ANXA6: variants seen among roughly 807,000 people sequenced by gnomAD.
ANXA6 encodes annexin A6, also known as 67 kDa calelectrin.
Under a neutral mutation model 95.4 loss-of-function variants are expected in ANXA6, and 71 were observed. The ratio of observed to expected loss-of-function variants is 0.74; its 90% CI spans 0.61 to 0.91. The LOEUF is 0.91. Among genes scored for constraint, ANXA6 ranks in the 40% least tolerant of loss-of-function variants. The probability of loss-of-function intolerance (pLI) is 0.00; values close to 1 mark genes in which losing one functional copy is unlikely to be tolerated. For missense variants in ANXA6, 830 were observed against 876.4 expected (o/e 0.95, Z 0.67); for synonymous variants, 289 against 315.9 (o/e 0.91, Z 0.90).
chr5:151,103,550 C>G lies in ANXA6; in HGVS notation c.1962+20G>C. 4 of 1,609,184 alleles carry G rather than the reference C, an allele frequency of 2.5e-6. No individual in the cohort carries two copies. Among genetic ancestry groups the G allele is most frequent in the Non-Finnish European group, 3.4e-6 (4 of 1,177,554 alleles). On this transcript the variant is annotated intron_variant, in intron 25 of 25. Coordinates refer to ENST00000354546, the MANE Select transcript of ANXA6 (RefSeq NM_001155.5). ...CTGACACTCACCCGCTTCCTGCTAA[C>G]CTCTAGCCCCTCCCCTTACCTCAAT... is the stretch of plus-strand genomic sequence containing the variant.
At chr5:151,101,617 C>T in intron 25 of ANXA6, 110 bp from the exon 26 acceptor site, 1 of 924,764 alleles carries the variant, frequency 1.1e-6, no homozygotes, top group Non-Finnish European at 1.7e-6. Flanking sequence ...TCTCCATGAC[C>T]AACATAGGAT....
chr5:151,115,707 G>A (rs1764979280), intron 20 of ANXA6, among the ~76,000 whole-genome samples: 1 of 152,238 alleles, frequency 6.6e-6, no homozygotes, highest in African/African-American at 2.4e-5. Flanking sequence ...CCACCCTAGT[G>A]TCTGGCTGGG....
intron 2 of ANXA6, among the ~76,000 whole-genome samples, chr5:151,147,071 C>A (rs1765993243): frequency 6.6e-6 from 1 of 152,210 alleles, no homozygotes; most frequent in Admixed American, 6.5e-5. Flanking sequence ...CCGTGCCCAG[C>A]CTCAACAGAG....
rs139583099 is a variant in ANXA6 at position 151,117,608 on chromosome 5, C to T, written c.1518+150G>A. On this transcript the variant is annotated intron_variant, in intron 19 of 25. Transcript: ENST00000354546. Reference sequence around the variant, plus strand: ...TTGACAAGGGAACAACAGGGGTAGGCGGTGGAACTCTAAGGAGGCAAGTGG... The same window carrying T: ...TTGACAAGGGAACAACAGGGGTAGGTGGTGGAACTCTAAGGAGGCAAGTGG... 1.6e-3 allele frequency: 1,108 copies of T among 680,378 alleles called. 4 individuals are homozygous for T. Among genetic ancestry groups the T allele is most frequent in the Middle Eastern group, 9.1e-3 (23 of 2,536 alleles). 42.1% of individuals were successfully genotyped at this position (680,378 alleles called of 1,614,324 possible). A position where few individuals can be genotyped will look rare whatever the true frequency, so the allele number is the denominator to read the frequency against.
chr5:151,147,059 C>A (rs1349534463), intron 2 of ANXA6, among the ~76,000 whole-genome samples: 2 of 152,200 alleles, frequency 1.3e-5, no homozygotes, highest in Middle Eastern at 6.3e-3. Context: ...AGGTGAGAGT[C>A]ACCGTGCCCA....
Position 151,136,328 on chromosome 5 carries a change from C to T in ANXA6, c.417G>A (p.Glu139=), listed in dbSNP as rs1446116623. ...CGATGATGTCAGCCTCCAGGTCCCG[C>T]TCGTAGGCTGCAGAAAGGAACGCAA... is the stretch of plus-strand genomic sequence containing the variant. ...QLVAAYKDAY[E]RDLEADIIGD... Residue 139 remains glutamate, a synonymous_variant, in exon 7 of 26, where the codon GAG becomes GAA. Transcript: ENST00000354546. 3.1e-6 allele frequency: 5 copies of T among 1,613,956 alleles called. No homozygotes were observed. The highest frequency in any genetic ancestry group is 4.2e-6 in the Non-Finnish European group (5 of 1,179,846).
chr5:151,137,174 G>C, intron 6 of ANXA6, 57 bp downstream of exon 6: 5 of 1,437,820 alleles, frequency 3.5e-6, no homozygotes, highest in Non-Finnish European at 3.9e-6. Context: ...CCCCACTGTT[G>C]CAATCATCCT....
intron 4 of ANXA6, chr5:151,139,152 G>C: frequency 1.7e-6 from 1 of 592,450 alleles, no homozygotes; most frequent in Non-Finnish European, 3.0e-6. Flanking sequence ...CACCTAGCAC[G>C]AGCCCAGCAT....
chr5:151,139,322 A>G (rs1765760580), intron 4 of ANXA6, 31 bp downstream of exon 4: 2 of 1,488,354 alleles, frequency 1.3e-6, no homozygotes, highest in African/African-American at 2.8e-5. Flanking sequence ...TTCCACCCGC[A>G]CCCCATGGGC....
intron 1 of ANXA6, among the ~76,000 whole-genome samples, chr5:151,149,302 A>G (rs1464101467): frequency 6.6e-6 from 1 of 152,186 alleles, no homozygotes; most frequent in Non-Finnish European, 1.5e-5. Flanking sequence ...TGAAGGAACA[A>G]AGATATGATA....
chr5:151,147,949 G>A (rs1187105642), intron 1 of ANXA6, 23 bp from the exon 2 acceptor site: 6 of 1,589,422 alleles, frequency 3.8e-6, no homozygotes, highest in Non-Finnish European at 5.1e-6. Flanking sequence ...AAGACAGCAT[G>A]TGAGATTCCC....
At chr5:151,102,074 C>T (rs537375579) in intron 25 of ANXA6, among the ~76,000 whole-genome samples, 68 of 152,318 alleles carry the variant, frequency 4.5e-4, no homozygotes, top group African/African-American at 1.6e-3. Context: ...AACACCATCA[C>T]GCTCACCACA....
At chr5:151,120,055 T>G (rs10075053) in intron 17 of ANXA6, among the ~76,000 whole-genome samples, 43,267 of 151,944 alleles carry the variant, frequency 0.28, 6,759 homozygotes, top group East Asian at 0.48. Flanking sequence ...AATTTTTGTA[T>G]TTTTTGTAGA....
At chr5:151,142,123 C>T (rs1765854799) in intron 2 of ANXA6, among the ~76,000 whole-genome samples, 1 of 152,212 alleles carries the variant, frequency 6.6e-6, no homozygotes, top group Non-Finnish European at 1.5e-5. Flanking sequence ...TCTTTCTGGA[C>T]ACCTCCAGTC....
intron 1 of ANXA6, among the ~76,000 whole-genome samples, chr5:151,150,182 A>C (rs1766074492): frequency 6.6e-6 from 1 of 152,178 alleles, no homozygotes. Flanking sequence ...CCTAAAAGGA[A>C]CAGAACTAGG....
chr5:151,119,491 A>T lies in ANXA6; in HGVS notation c.1348-101T>A, dbSNP rs1023366469. ...TAAAGCTCAGGCCAAGCATTCCTGG[A>T]TTTTCTCCTCACCTCCAGACATGGC... On this transcript the variant is annotated intron_variant, in intron 17 of 25. Coordinates refer to ENST00000354546, the MANE Select transcript of ANXA6 (RefSeq NM_001155.5). 5 of 995,444 alleles carry T rather than the reference A, an allele frequency of 5.0e-6. No individual in the cohort carries two copies. In the Admixed American group the frequency reaches 9.6e-5, roughly 19 times the overall value. The allele number at this position is 995,444 out of a possible 1,614,324, so 61.7% of individuals were successfully genotyped here.
chr5:151,131,122 C>T, intron 11 of ANXA6, 109 bp downstream of exon 11: 1 of 1,176,528 alleles, frequency 8.5e-7, no homozygotes, highest in Non-Finnish European at 1.3e-6. Context: ...AGGGTCAGTC[C>T]TGTGGCCATC....
intron 15 of ANXA6, among the ~76,000 whole-genome samples, chr5:151,123,256 G>C (rs1004003029): frequency 6.6e-6 from 1 of 152,188 alleles, no homozygotes; most frequent in Non-Finnish European, 1.5e-5. Context: ...GAGAGCACTG[G>C]GTTGGGAGTC....
At chr5:151,129,668 T>C in intron 11 of ANXA6, 139 bp from the exon 12 acceptor site, 2 of 965,376 alleles carry the variant, frequency 2.1e-6, no homozygotes, top group Admixed American at 2.7e-5. Flanking sequence ...GCCATTCCCA[T>C]TGAAGCTCTC....
Sources: allele counts gnomAD v4.1 joint callset (sites outside exome capture counted in the v4.1 genomes callset), GRCh38; gene constraint gnomAD v4.1.1; transcripts MANE v1.5; gene names NCBI Gene and HGNC (gene_info 2026-07-23, HGNC 2026-07-21).